Variants in BNC2 observed in about 807,000 individuals in gnomAD.
BNC2 encodes the protein zinc finger protein basonuclin-2.
A neutral mutation model predicts 76.3 loss-of-function variants in BNC2; 20 were observed. The ratio of observed to expected loss-of-function variants is 0.26; its 90% confidence interval spans 0.18 to 0.38. BNC2 has a LOEUF of 0.38. Ranked by LOEUF, BNC2 falls within the 10% of genes least tolerant of loss-of-function variation. The pLI is 1.00. For missense variants in BNC2, 1,382 were observed against 1,399.8 expected (o/e 0.99, Z 0.20); for synonymous variants, 582 against 514.8 (o/e 1.13, Z -1.77).
chr9:16,848,995 T>A (rs1819059743), intron 1 of BNC2, among the ~76,000 whole-genome samples: 1 of 152,148 alleles, frequency 6.6e-6, no homozygotes, highest in South Asian at 2.1e-4. Flanking sequence ...AGATACCCCA[T>A]TATGTAAATG....
rs996291195 is a variant in BNC2, at chr9:16,411,277, A to G, written c.*7712T>C. 3.9e-5 allele frequency: 6 copies of G among 152,668 alleles called. No individual in the cohort carries two copies. Among genetic ancestry groups the G allele is most frequent in the Admixed American group, 2.0e-4 (3 of 15,286 alleles). The allele number at this position is 152,668 out of a possible 1,614,324, so 9.5% of individuals were successfully genotyped here. A position where few individuals can be genotyped will look rare whatever the true frequency, so the allele number is the denominator to read the frequency against. ...CTCAACATCACATTTGGCAACAGGA[A>G]GCCCTATAAAATCTTGGTATAGCAC... On this transcript the variant is annotated 3_prime_UTR_variant, in exon 7 of 7. Coordinates refer to ENST00000380672, the MANE Select transcript of BNC2 (RefSeq NM_017637.6).
At chr9:16,519,490 C>A (rs1817549507) in intron 5 of BNC2, among the ~76,000 whole-genome samples, 1 of 152,148 alleles carries the variant, frequency 6.6e-6, no homozygotes, top group Non-Finnish European at 1.5e-5. Flanking sequence ...GAGAGTTTCT[C>A]ATTTTGTAGT....
intron 5 of BNC2, among the ~76,000 whole-genome samples, chr9:16,443,891 C>T (rs1297485128): frequency 2.0e-5 from 3 of 152,168 alleles, no homozygotes; most frequent in Non-Finnish European, 4.4e-5. Flanking sequence ...GAATGTTGTA[C>T]ACCATGATTG....
intron 1 of BNC2, among the ~76,000 whole-genome samples, chr9:16,765,647 G>GT (rs1337104216): frequency 6.6e-6 from 1 of 152,116 alleles, no homozygotes; most frequent in Non-Finnish European, 1.5e-5. Context: ...TTTGGTAAAA[G>GT]TAACAGGTTT....
intron 1 of BNC2, among the ~76,000 whole-genome samples, chr9:16,794,383 G>C (rs1460852871): frequency 2.0e-5 from 3 of 152,190 alleles, no homozygotes; most frequent in Non-Finnish European, 2.9e-5. Context: ...GATATCTCCT[G>C]TCTGTTCATT....
chr9:16,835,469 C>A (rs1251320800), intron 1 of BNC2, among the ~76,000 whole-genome samples: 1 of 152,102 alleles, frequency 6.6e-6, no homozygotes, highest in Non-Finnish European at 1.5e-5. Context: ...GAGGCCGAGG[C>A]AGGCAGATCA....
intron 1 of BNC2, among the ~76,000 whole-genome samples, chr9:16,788,923 A>G (rs1817423532): frequency 6.6e-6 from 1 of 152,004 alleles, no homozygotes; most frequent in African/African-American, 2.4e-5. Flanking sequence ...CCTCAAACCA[A>G]GCTCCTCCTT....
In BNC2 at chr9:16,583,017, A is replaced by G. The variant is rs147796593; in HGVS notation, c.399T>C (p.Thr133=). The G allele has an allele frequency of 1.5e-5, 25 of 1,613,834 alleles. No homozygotes were observed. The highest frequency in any genetic ancestry group is 2.0e-5 in the Non-Finnish European group (24 of 1,179,980). The change falls in exon 4 of 7, where the codon ACT becomes ACC. Residue 133 remains threonine (T), a synonymous_variant. Coordinates refer to ENST00000380672, the MANE Select transcript of BNC2 (RefSeq NM_017637.6). The stretch of plus-strand genomic sequence containing the variant: ...CCCAGCCATGTTTACACTGATCACA[A>G]GTCCTCAGGTTAATCTTCCCTGGCT... ...CFQPGKINLR[T]CDQCKHGWVA... is the part of the protein sequence containing the mutation.
intron 1 of BNC2, among the ~76,000 whole-genome samples, chr9:16,769,195 A>G (rs923896954): frequency 6.6e-6 from 1 of 152,216 alleles, no homozygotes; most frequent in African/African-American, 2.4e-5. Context: ...CATATAGCAC[A>G]AAACTAAGTG....
intron 1 of BNC2, among the ~76,000 whole-genome samples, chr9:16,767,680 A>G (rs936087485): frequency 2.0e-5 from 3 of 152,158 alleles, no homozygotes; most frequent in Admixed American, 2.0e-4. Flanking sequence ...GTTTTATTTC[A>G]AATTTTTATT....
chr9:16,610,688 C>T (rs558504373), intron 3 of BNC2, among the ~76,000 whole-genome samples: 1 of 152,158 alleles, frequency 6.6e-6, no homozygotes, highest in Non-Finnish European at 1.5e-5. Flanking sequence ...CCTTTCCTTG[C>T]TTCACAGTTG....
chr9:16,610,853 GTTTT>G (rs1424748748), intron 3 of BNC2, among the ~76,000 whole-genome samples: 3 of 152,128 alleles, frequency 2.0e-5, no homozygotes, highest in Non-Finnish European at 4.4e-5. Context: ...ACTTAAAAGA[GTTTT>G]TTAATTTGTC....
chr9:16,519,940 G>A (rs984897034), intron 5 of BNC2, among the ~76,000 whole-genome samples: 2 of 152,186 alleles, frequency 1.3e-5, no homozygotes, highest in Non-Finnish European at 2.9e-5. Context: ...GACACTGGCA[G>A]GGACCAGTGC....
Position 16,418,125 on chromosome 9 carries a change from AAAG to A in BNC2, c.*861_*863del, listed in dbSNP as rs759059042. The stretch of plus-strand genomic sequence containing the variant: ...AGTATGGCAATAGTTTAAGGATAAA[AAAG>A]AAGCATGGTTATTACACATCCCCTT... On this transcript the variant is annotated 3_prime_UTR_variant, in exon 7 of 7. Transcript: ENST00000380672. The A allele has an allele frequency of 1.3e-5, 2 of 152,684 alleles. No individual in the cohort carries two copies. The highest frequency in any genetic ancestry group is 2.9e-5 in the Non-Finnish European group (2 of 68,060). 9.5% of individuals were successfully genotyped at this position (152,684 alleles called of 1,614,324 possible).
At chr9:16,590,085 C>T (rs1252427335) in intron 3 of BNC2, among the ~76,000 whole-genome samples, 1 of 151,886 alleles carries the variant, frequency 6.6e-6, no homozygotes, top group Non-Finnish European at 1.5e-5. Flanking sequence ...ATGGCAAAAC[C>T]CGGTCTCTAC....
At chr9:16,803,477 G>A (rs1192495170) in intron 1 of BNC2, among the ~76,000 whole-genome samples, 1 of 152,184 alleles carries the variant, frequency 6.6e-6, no homozygotes, top group Non-Finnish European at 1.5e-5. Context: ...GTTAACATGA[G>A]ACATTGTGAA....
intron 3 of BNC2, among the ~76,000 whole-genome samples, chr9:16,641,379 C>T (rs1397509300): frequency 1.3e-5 from 2 of 151,620 alleles, no homozygotes. Flanking sequence ...AGAACCTTCC[C>T]TTTCCCATGT....
In BNC2 at chr9:16,724,677, G is replaced by T. The variant is rs996571094; in HGVS notation, c.330+3120C>A. On this transcript the variant is annotated intron_variant, in intron 3 of 6. Coordinates refer to ENST00000380672, the MANE Select transcript of BNC2 (RefSeq NM_017637.6). ...ATTATTTGTTACTATTAGACAGAAT[G>T]AAAGATGTACATTTAAGCAGATCCA... Among the ~76,000 whole-genome samples the T allele has an allele frequency of 4.6e-5, 7 of 152,164 alleles. No individual in the cohort carries two copies. The East Asian group carries it at 1.2e-3, about 25-fold the overall frequency.
At chr9:16,586,355 C>G (rs951822871) in intron 3 of BNC2, among the ~76,000 whole-genome samples, 2 of 152,168 alleles carry the variant, frequency 1.3e-5, no homozygotes, top group African/African-American at 4.8e-5. Context: ...AAAGAGAAAT[C>G]CATGCACCCA....
Sources: gnomAD v4.1 joint callset for allele counts (sites outside exome capture counted in the v4.1 genomes callset) on GRCh38, gnomAD v4.1.1 for gene constraint, MANE v1.5 for transcripts, NCBI Gene and HGNC (gene_info 2026-07-23, HGNC 2026-07-21) for gene names.